RCAN3: variants seen among roughly 807,000 people sequenced by gnomAD.
RCAN3 encodes the protein regulator of calcineurin 3, also known as calcipressin-3.
In RCAN3, 19 loss-of-function variants were observed where a neutral mutation model predicts 21.9. The observed-to-expected ratio is 0.87, with a 90% CI of 0.61 to 1.27. The LOEUF (loss-of-function observed/expected upper bound fraction) is 1.27. Among genes scored for constraint, RCAN3 ranks in the 50% most tolerant of loss-of-function variants. The pLI, the probability that RCAN3 is intolerant of heterozygous loss-of-function variation, is 0.00. For synonymous variants in RCAN3, 114 were observed against 112.3 expected (o/e 1.01, Z -0.09); for missense variants, 240 against 300.1 (o/e 0.80, Z 1.48).
chr1:24,519,221 T>G (rs60860702), intron 2 of RCAN3, among the ~76,000 whole-genome samples: 2 of 149,082 alleles, frequency 1.3e-5, no homozygotes, highest in African/African-American at 2.6e-5. Flanking sequence ...TGATGTTTTT[T>G]TTTTTTTTTT....
intron 1 of RCAN3, among the ~76,000 whole-genome samples, chr1:24,512,103 A>C (rs1217444012): frequency 6.6e-6 from 1 of 152,100 alleles, no homozygotes; most frequent in Non-Finnish European, 1.5e-5. Context: ...TACAGCTGAC[A>C]CTTTGGGAGG....
chr1:24,505,232 C>CTTTCTTTTTTTTTTTTTTTT (rs1647342776), intron 1 of RCAN3, among the ~76,000 whole-genome samples: 1 of 65,708 alleles, frequency 1.5e-5, no homozygotes, highest in African/African-American at 4.8e-5. Context: ...TCTCTTTTTT[C>CTTTCTTTTTTTTTTTTTTTT]TTTTTTTTTT....
intron 2 of RCAN3, among the ~76,000 whole-genome samples, chr1:24,519,162 C>A (rs749544144): frequency 2.4e-4 from 37 of 151,676 alleles, no homozygotes; most frequent in Non-Finnish European, 5.3e-4. Context: ...CTGCCCATCT[C>A]AGCCTCCCAA....
chr1:24,503,869 G>A (rs551671642), intron 1 of RCAN3, among the ~76,000 whole-genome samples: 1 of 152,324 alleles, frequency 6.6e-6, no homozygotes, highest in Admixed American at 6.5e-5. Context: ...ACTTTTCATA[G>A]AAGTCTCTGA....
chr1:24,514,274 C>A (rs1370276459), intron 1 of RCAN3, 40 bp from the exon 2 acceptor site: 14 of 1,049,278 alleles, frequency 1.3e-5, no homozygotes, highest in Admixed American at 2.8e-5. Context: ...ATTATTTGGT[C>A]TTCGGAGTTT....
Position 24,527,213 on chromosome 1 carries a change from C to T in RCAN3, c.196-4005C>T, listed in dbSNP as rs1227940108. On this transcript the variant is annotated intron_variant, in intron 2 of 4. Coordinates refer to ENST00000374395, the MANE Select transcript of RCAN3 (RefSeq NM_013441.4). Reference sequence around the variant, plus strand: ...CATTTTTAGTAGAGATGGGGTTTCACCGCATTGGCCAGGCTGGTCTCGAAG... The same window carrying T: ...CATTTTTAGTAGAGATGGGGTTTCATCGCATTGGCCAGGCTGGTCTCGAAG... Among the ~76,000 whole-genome samples, 5 of 152,096 alleles carry T rather than the reference C, an allele frequency of 3.3e-5. No individual in the cohort carries two copies. The East Asian group carries it at 7.7e-4, about 23-fold the overall frequency.
chr1:24,508,964 C>A (rs1285914499), intron 1 of RCAN3, among the ~76,000 whole-genome samples: 1 of 152,104 alleles, frequency 6.6e-6, no homozygotes, highest in African/African-American at 2.4e-5. Flanking sequence ...AGTTTGAGAC[C>A]AGCCTGGGCA....
chr1:24,528,711 G>A (rs1384373628), intron 2 of RCAN3, among the ~76,000 whole-genome samples: 1 of 152,202 alleles, frequency 6.6e-6, no homozygotes, highest in African/African-American at 2.4e-5. Flanking sequence ...AAGGTAGGAA[G>A]CGAAAGTGAC....
rs528471653 is a variant in RCAN3 at position 24,532,943 on chromosome 1, C to T, written c.370-140C>T. The T allele has an allele frequency of 2.0e-4, 107 of 536,920 alleles. No individual in the cohort carries two copies. In the African/African-American group the frequency reaches 3.1e-3, roughly 15 times the overall value. The allele number at this position is 536,920 out of a possible 1,614,324, so 33.3% of individuals were successfully genotyped here. A position where few individuals can be genotyped will look rare whatever the true frequency, so the allele number is the denominator to read the frequency against. On this transcript the variant is annotated intron_variant, in intron 3 of 4. Transcript: ENST00000374395. ...CAGCCTGGGCGACAAAGTGAGACTC[C>T]GTCTCAAAAAAAAAAAAAAAAAAAA...
intron 4 of RCAN3, among the ~76,000 whole-genome samples, chr1:24,533,959 A>G (rs1055071543): frequency 1.3e-5 from 2 of 152,216 alleles, no homozygotes; most frequent in Admixed American, 6.5e-5. Context: ...TCAGACAAAC[A>G]ACAACTACTT....
At chr1:24,516,530 C>T (rs1172026865) in intron 2 of RCAN3, among the ~76,000 whole-genome samples, 3 of 152,126 alleles carry the variant, frequency 2.0e-5, no homozygotes, top group Non-Finnish European at 4.4e-5. Context: ...GCAAGCCATT[C>T]TGTGTGCTTA....
At position 24,536,073 on chromosome 1, in the gene RCAN3, C is replaced by T. The variant is rs918986649; in HGVS notation, c.*796C>T. Reference sequence around the variant, plus strand: ...ATCGCAGGTGGCTACTGCATTCTGCCGTTCGTGACCGTGTTCTAGCCTGTA... The same window carrying T: ...ATCGCAGGTGGCTACTGCATTCTGCTGTTCGTGACCGTGTTCTAGCCTGTA... On this transcript the variant is annotated 3_prime_UTR_variant, in exon 5 of 5. Transcript: ENST00000374395. The T allele has an allele frequency of 6.6e-6, 1 of 152,168 alleles. No homozygotes were observed. Among genetic ancestry groups the T allele is most frequent in the African/African-American group, 2.4e-5 (1 of 41,442 alleles). 9.4% of individuals were successfully genotyped at this position (152,168 alleles called of 1,614,324 possible).
In RCAN3 at chr1:24,512,557, T is replaced by C. The variant is rs551037983; in HGVS notation, c.-59-1757T>C. Among the ~76,000 whole-genome samples, 141 of 152,292 alleles carry C rather than the reference T, an allele frequency of 9.3e-4. 1 individual carries two copies. Among genetic ancestry groups the C allele is most frequent in the Middle Eastern group, 6.8e-3 (2 of 294 alleles). ...GAGTAAAGATTTTACTTCTTAGAAGTAGTCTTGATTGATATTGTAGAATAC... is the reference window on the plus strand; with the variant it reads ...GAGTAAAGATTTTACTTCTTAGAAGCAGTCTTGATTGATATTGTAGAATAC... On this transcript the variant is annotated intron_variant, in intron 1 of 4. Transcript: ENST00000374395.
intron 1 of RCAN3, among the ~76,000 whole-genome samples, chr1:24,513,288 AG>A (rs1020998841): frequency 1.3e-5 from 2 of 152,026 alleles, no homozygotes; most frequent in Non-Finnish European, 2.9e-5. Context: ...AATTTTTTGT[AG>A]GGGCAAGGTC....
chr1:24,528,476 G>T (rs552232874), intron 2 of RCAN3, among the ~76,000 whole-genome samples: 2 of 152,152 alleles, frequency 1.3e-5, no homozygotes, highest in Admixed American at 6.5e-5. Flanking sequence ...AAAACATAAG[G>T]ATACAGAAAG....
rs182312116 is a variant in RCAN3, at chr1:24,524,912, C to T, written c.196-6306C>T. Among the ~76,000 whole-genome samples, 38 of 150,914 alleles carry T rather than the reference C, an allele frequency of 2.5e-4. No homozygotes were observed. The East Asian group carries it at 5.8e-3, about 23-fold the overall frequency. On this transcript the variant is annotated intron_variant, in intron 2 of 4. Coordinates refer to ENST00000374395, the MANE Select transcript of RCAN3 (RefSeq NM_013441.4). ...TGGCACAATCACAGCTCTCTGCAACCTCCGCCTCCCAGGTTCAAGCAATTC... is the reference window on the plus strand; with the variant it reads ...TGGCACAATCACAGCTCTCTGCAACTTCCGCCTCCCAGGTTCAAGCAATTC...
rs1048467595 is a variant in RCAN3, at chr1:24,540,190, C to G, written c.*4913C>G. 1 of 152,210 alleles carries G rather than the reference C, an allele frequency of 6.6e-6. No individual in the cohort carries two copies. The highest frequency in any genetic ancestry group is 1.9e-4 in the East Asian group (1 of 5,196). The allele number at this position is 152,210 out of a possible 1,614,324, so 9.4% of individuals were successfully genotyped here. ...ATAAGACAACTGAAAGCAACAACTGCTGGGTTCACTGACAAAGATTATAAA... is the reference window on the plus strand; with the variant it reads ...ATAAGACAACTGAAAGCAACAACTGGTGGGTTCACTGACAAAGATTATAAA... On this transcript the variant is annotated 3_prime_UTR_variant, in exon 5 of 5. Coordinates refer to ENST00000374395, the MANE Select transcript of RCAN3 (RefSeq NM_013441.4).
intron 1 of RCAN3, among the ~76,000 whole-genome samples, chr1:24,512,900 T>C (rs991409957): frequency 1.3e-5 from 2 of 152,204 alleles, no homozygotes; most frequent in African/African-American, 2.4e-5. Context: ...CCAGGGACAC[T>C]GTCAGCTCCA....
intron 1 of RCAN3, among the ~76,000 whole-genome samples, chr1:24,505,232 CTTTT>C (rs796980559): frequency 1.8e-4 from 12 of 65,738 alleles, no homozygotes; most frequent in East Asian, 4.5e-4. Context: ...TCTCTTTTTT[CTTTT>C]TTTTTTTTTT....
Sources: allele counts gnomAD v4.1 joint callset (sites outside exome capture counted in the v4.1 genomes callset), GRCh38; gene constraint gnomAD v4.1.1; transcripts MANE v1.5; gene names NCBI Gene and HGNC (gene_info 2026-07-23, HGNC 2026-07-21).